NRP1: variants seen among roughly 807,000 people sequenced by gnomAD.
NRP1 encodes the protein neuropilin-1.
Under a neutral mutation model 106.7 loss-of-function variants are expected in NRP1, and 35 were observed. The observed-to-expected ratio is 0.33, with a 90% CI of 0.25 to 0.43. The LOEUF (loss-of-function observed/expected upper bound fraction) is 0.43. NRP1 is among the 20% of genes least tolerant of loss of function. NRP1 has a pLI of 1.00. For missense variants in NRP1, 1,024 were observed against 1,170.4 expected (o/e 0.87, Z 1.83); for synonymous variants, 437 against 417.9 (o/e 1.05, Z -0.56).
In NRP1 at chr10:33,320,553, A is replaced by C. The variant is rs535009328; in HGVS notation, c.248+10155T>G. Among the ~76,000 whole-genome samples, 13 of 152,246 alleles carry C rather than the reference A, an allele frequency of 8.5e-5. 1 individual carries two copies. In the South Asian group the frequency reaches 2.5e-3, roughly 29 times the overall value. ...TTTCTGAAAGGTTGTCATCCAGACA[A>C]ACCACCCACTTCAGCAGTTATTGAA... is the stretch of plus-strand genomic sequence containing the variant. On this transcript the variant is annotated intron_variant, in intron 2 of 16. Transcript: ENST00000374867.
At chr10:33,266,221 G>C (rs1278464704) in intron 3 of NRP1, among the ~76,000 whole-genome samples, 1 of 152,154 alleles carries the variant, frequency 6.6e-6, no homozygotes, top group Non-Finnish European at 1.5e-5. Context: ...GTGAATTTTG[G>C]TGCTTTCACT....
chr10:33,233,229 T>C (rs1332862658), intron 6 of NRP1, among the ~76,000 whole-genome samples: 1 of 152,078 alleles, frequency 6.6e-6, no homozygotes, highest in African/African-American at 2.4e-5. Flanking sequence ...GAAGGGGCGA[T>C]GTTTGCAGTT....
chr10:33,331,873 G>A (rs927477467), intron 1 of NRP1, among the ~76,000 whole-genome samples: 3 of 152,006 alleles, frequency 2.0e-5, no homozygotes, highest in Admixed American at 2.0e-4. Context: ...ATAAAAATTC[G>A]GTGCATAAAC....
chr10:33,254,266 G>T, intron 5 of NRP1, 72 bp from the exon 6 acceptor site: 4 of 1,338,700 alleles, frequency 3.0e-6, no homozygotes, highest in Non-Finnish European at 4.1e-6. Context: ...TTTTTAACTT[G>T]ATACACCAAA....
chr10:33,269,554 T>G (rs1843150943), intron 3 of NRP1, among the ~76,000 whole-genome samples: 1 of 152,344 alleles, frequency 6.6e-6, no homozygotes, highest in East Asian at 1.9e-4. Flanking sequence ...TTTAAAAAGC[T>G]AATGGAGTGT....
At chr10:33,293,101 C>T (rs1479450922) in intron 2 of NRP1, among the ~76,000 whole-genome samples, 1 of 152,162 alleles carries the variant, frequency 6.6e-6, no homozygotes, top group Non-Finnish European at 1.5e-5. Context: ...TCCGATTTGT[C>T]TTGTTTCAGT....
Position 33,264,907 on chromosome 10 carries a change from G to A in NRP1, c.431-1034C>T, listed in dbSNP as rs774892384. Among the ~76,000 whole-genome samples the A allele has an allele frequency of 2.6e-5, 4 of 152,042 alleles. No homozygotes were observed. The South Asian group carries it at 6.2e-4, about 24-fold the overall frequency. On this transcript the variant is annotated intron_variant, in intron 3 of 16. Coordinates refer to ENST00000374867, the MANE Select transcript of NRP1 (RefSeq NM_003873.7). Reference sequence around the variant, plus strand: ...GCGGATCACCTGAGGTCAGGAGTTCGAGACCAGCCTGGCCAACATAGGGAA... The same window carrying A: ...GCGGATCACCTGAGGTCAGGAGTTCAAGACCAGCCTGGCCAACATAGGGAA...
chr10:33,291,004 C>A (rs80044889), intron 2 of NRP1, among the ~76,000 whole-genome samples: 1 of 152,116 alleles, frequency 6.6e-6, no homozygotes, highest in Non-Finnish European at 1.5e-5. Context: ...CAGTGCATAG[C>A]GGGTTGTGGA....
chr10:33,269,219 A>AT lies in NRP1; in HGVS notation c.430+1455dup, dbSNP rs1425964945. ...TGAATTTCACACACAAAAGGAATTT[A>AT]TAGGCAGTTGCTAAAAACAGTGGCA... On this transcript the variant is annotated intron_variant, in intron 3 of 16. Coordinates refer to ENST00000374867, the MANE Select transcript of NRP1 (RefSeq NM_003873.7). Among the ~76,000 whole-genome samples, 7 of 152,346 alleles carry AT rather than the reference A, an allele frequency of 4.6e-5. No individual in the cohort carries two copies. The South Asian group carries it at 6.2e-4, about 14-fold the overall frequency.
At chr10:33,274,149 T>C (rs767057346) in intron 2 of NRP1, among the ~76,000 whole-genome samples, 1 of 152,152 alleles carries the variant, frequency 6.6e-6, no homozygotes, top group Non-Finnish European at 1.5e-5. Flanking sequence ...GCCTAAACCC[T>C]TTTGCAATTA....
intron 2 of NRP1, among the ~76,000 whole-genome samples, chr10:33,287,358 A>G (rs1422339211): frequency 6.6e-6 from 1 of 152,220 alleles, no homozygotes; most frequent in Non-Finnish European, 1.5e-5. Flanking sequence ...AAATGGTAGA[A>G]GACTACTAGC....
chr10:33,317,889 T>C (rs970448738), intron 2 of NRP1, among the ~76,000 whole-genome samples: 1 of 152,236 alleles, frequency 6.6e-6, no homozygotes, highest in African/African-American at 2.4e-5. Context: ...ATAGATACTA[T>C]CTCTGTTGTG....
At chr10:33,273,129 A>G (rs954057986) in intron 2 of NRP1, among the ~76,000 whole-genome samples, 3 of 151,796 alleles carry the variant, frequency 2.0e-5, no homozygotes, top group Admixed American at 1.3e-4. Flanking sequence ...ATCCCTTCCC[A>G]GCAAGAAATA....
chr10:33,222,212 C>A (rs2132898360), intron 7 of NRP1, among the ~76,000 whole-genome samples: 1 of 152,264 alleles, frequency 6.6e-6, no homozygotes, highest in East Asian at 1.9e-4. Flanking sequence ...CATGGGAACT[C>A]TCACTGTTTG....
chr10:33,267,848 G>A (rs1843025799), intron 3 of NRP1, among the ~76,000 whole-genome samples: 2 of 152,202 alleles, frequency 1.3e-5, no homozygotes, highest in Admixed American at 1.3e-4. Context: ...CTCCAGGAAG[G>A]CAGGAAGAAG....
At chr10:33,201,305 G>A (rs1837285992) in intron 11 of NRP1, 3 of 152,200 alleles carry the variant, frequency 2.0e-5, no homozygotes, top group Admixed American at 2.0e-4. Context: ...GATATGAGGA[G>A]TAAATCTGAG....
chr10:33,207,149 C>T (rs1439837516), intron 10 of NRP1, among the ~76,000 whole-genome samples: 1 of 152,088 alleles, frequency 6.6e-6, no homozygotes, highest in African/African-American at 2.4e-5. Flanking sequence ...GGGAAGTTGC[C>T]TGCTTTCTGG....
At chr10:33,205,720 T>C (rs1446200704) in intron 10 of NRP1, 2 of 155,976 alleles carry the variant, frequency 1.3e-5, no homozygotes, top group Non-Finnish European at 2.8e-5. Flanking sequence ...GTCTGGAAAA[T>C]ATCTGAAGCA....
intron 7 of NRP1, among the ~76,000 whole-genome samples, chr10:33,222,498 G>GATTTATTTATTT (rs35691858): frequency 7.7e-5 from 8 of 104,046 alleles, no homozygotes; most frequent in Admixed American, 2.0e-4. Flanking sequence ...TGTGCGTCAA[G>GATTTATTTATTT]ATTTATTTAT....
Sources: gnomAD v4.1 joint callset for allele counts (sites outside exome capture counted in the v4.1 genomes callset) on GRCh38, gnomAD v4.1.1 for gene constraint, MANE v1.5 for transcripts, NCBI Gene and HGNC (gene_info 2026-07-23, HGNC 2026-07-21) for gene names.